The following RYR2 variants were observed in gnomAD, a reference collection of about 807,000 sequenced individuals.
The protein encoded by RYR2 is ryanodine receptor 2.
In RYR2, 227 loss-of-function variants were observed where a neutral mutation model predicts 601.1. The ratio of observed to expected loss-of-function variants is 0.38; its 90% CI spans 0.34 to 0.42. The LOEUF is 0.42. Ranked by LOEUF, RYR2 falls within the 10% of genes least tolerant of loss-of-function variation. The pLI is 1.00. For missense variants in RYR2, 4,646 were observed against 6,156.5 expected (o/e 0.75, Z 8.21); for synonymous variants, 2,223 against 2,175.1 (o/e 1.02, Z -0.61).
At position 237,155,744 on chromosome 1, in the gene RYR2, G is replaced by T. The variant is rs760317592; in HGVS notation, c.48+113175G>T. On this transcript the variant is annotated intron_variant, in intron 1 of 104. Transcript: ENST00000366574. ...TATCTCATTGGGATGAATGGGAATG[G>T]CTAGGATTGTTACTGATTCTTGCCC... is the stretch of plus-strand genomic sequence containing the variant. 4.6e-5 allele frequency among the ~76,000 whole-genome samples: 7 copies of T among 152,100 alleles called. 1 individual carries two copies. The highest frequency in any genetic ancestry group is 2.0e-4 in the Admixed American group (3 of 15,280).
At chr1:237,712,545 TCA>T (rs146589799) in intron 71 of RYR2, among the ~76,000 whole-genome samples, 5 of 149,970 alleles carry the variant, frequency 3.3e-5, no homozygotes, top group African/African-American at 4.9e-5. Context: ...ACACACACAC[TCA>T]CACACACACA....
chr1:237,392,751 G>T (rs565338462), intron 10 of RYR2, among the ~76,000 whole-genome samples: 1 of 152,198 alleles, frequency 6.6e-6, no homozygotes, highest in Non-Finnish European at 1.5e-5. Context: ...TGGATGCATT[G>T]GGGAAGATTA....
At chr1:237,621,334 C>A (rs927971731) in intron 38 of RYR2, among the ~76,000 whole-genome samples, 16 of 152,078 alleles carry the variant, frequency 1.1e-4, no homozygotes, top group African/African-American at 3.9e-4. Flanking sequence ...AATAACCTGA[C>A]CTGCCACTTC....
intron 27 of RYR2, among the ~76,000 whole-genome samples, chr1:237,552,461 A>G (rs1209895142): frequency 6.6e-6 from 1 of 152,120 alleles, no homozygotes; most frequent in African/African-American, 2.4e-5. Flanking sequence ...GTAAATTTTG[A>G]CAGTTGTAGA....
intron 73 of RYR2, among the ~76,000 whole-genome samples, chr1:237,719,280 G>A (rs1689513218): frequency 6.6e-6 from 1 of 152,036 alleles, no homozygotes; most frequent in African/African-American, 2.4e-5. Flanking sequence ...TTTACATGGA[G>A]CGATCAGTAA....
intron 78 of RYR2, among the ~76,000 whole-genome samples, 165 bp downstream of exon 78, chr1:237,732,314 C>G (rs1241732756): frequency 6.6e-6 from 1 of 152,256 alleles, no homozygotes; most frequent in Non-Finnish European, 1.5e-5. Flanking sequence ...GGGACCGACA[C>G]TCATTCAATT....
intron 77 of RYR2, 34 bp from the exon 78 acceptor site, chr1:237,732,012 A>T (rs531138640): frequency 2.2e-6 from 3 of 1,370,670 alleles, no homozygotes; most frequent in South Asian, 2.4e-5. Context: ...ATTTTTTTTT[A>T]ATGTGACATT....
At chr1:237,270,880 A>AAT in intron 2 of RYR2, among the ~76,000 whole-genome samples, 1 of 152,342 alleles carries the variant, frequency 6.6e-6, no homozygotes, top group South Asian at 2.1e-4. Flanking sequence ...CAAGTAAATC[A>AAT]GTGATATAAT....
chr1:237,261,788 C>T (rs1293688678), intron 1 of RYR2, among the ~76,000 whole-genome samples: 1 of 152,134 alleles, frequency 6.6e-6, no homozygotes, highest in African/African-American at 2.4e-5. Context: ...AAAAGTCACC[C>T]CCTCAATGAG....
chr1:237,565,482 C>T (rs983640499), intron 27 of RYR2, among the ~76,000 whole-genome samples: 4 of 151,906 alleles, frequency 2.6e-5, no homozygotes, highest in African/African-American at 4.8e-5. Context: ...TGCCCGGGCG[C>T]GATCCTCCCG....
chr1:237,674,342 A>T, intron 59 of RYR2, 123 bp downstream of exon 59: 1 of 758,296 alleles, frequency 1.3e-6, no homozygotes. Context: ...GTACTGTTTA[A>T]TATGTTTAAA....
intron 1 of RYR2, among the ~76,000 whole-genome samples, chr1:237,181,450 A>G (rs1279174617): frequency 6.6e-6 from 1 of 152,186 alleles, no homozygotes; most frequent in East Asian, 1.9e-4. Flanking sequence ...GGAGCTCAAG[A>G]GAGGCTCTTT....
rs1353218352 is a variant in RYR2, at chr1:237,727,121, G to A, written c.10760G>A (p.Trp3587Ter). ...EHPQRSKKAV[W>*]HKLLSKQRKR... Reference sequence around the variant, plus strand: ...CCTCAGAGATCTAAAAAGGCTGTATGGCATAAACTACTGTCCAAGCAGAGG... The same window carrying A: ...CCTCAGAGATCTAAAAAGGCTGTATAGCATAAACTACTGTCCAAGCAGAGG... Residue 3587 changes from tryptophan to a stop codon, truncating the protein, a stop_gained, in exon 76 of 105, where the codon TGG (tryptophan) becomes TAG (stop). Coordinates refer to ENST00000366574, the MANE Select transcript of RYR2 (RefSeq NM_001035.3). LOFTEE classifies it high-confidence loss of function. 6.2e-7 allele frequency: 1 copy of A among 1,603,888 alleles called. No homozygotes were observed. The highest frequency in any genetic ancestry group is 1.3e-5 in the African/African-American group (1 of 74,824).
chr1:237,295,276 GAA>G (rs34453486), intron 2 of RYR2, among the ~76,000 whole-genome samples: 73 of 148,408 alleles, frequency 4.9e-4, no homozygotes, highest in African/African-American at 1.7e-3. Context: ...TCAGTGTTTG[GAA>G]AAAAAAAAAT....
chr1:237,367,975 T>A (rs973660705), intron 5 of RYR2, among the ~76,000 whole-genome samples: 3 of 152,166 alleles, frequency 2.0e-5, no homozygotes, highest in African/African-American at 4.8e-5. Context: ...TTCAGTCTGA[T>A]CAAGGGGAGG....
At chr1:237,541,791 G>C (rs1046830043) in intron 25 of RYR2, among the ~76,000 whole-genome samples, 1 of 152,136 alleles carries the variant, frequency 6.6e-6, no homozygotes, top group African/African-American at 2.4e-5. Context: ...AAGGTGTTCA[G>C]TGGGGGAGCT....
intron 89 of RYR2, 98 bp downstream of exon 89, chr1:237,781,744 C>G (rs1347074958): frequency 1.8e-6 from 1 of 554,670 alleles, no homozygotes; most frequent in Non-Finnish European, 3.2e-6. Context: ...TAAAATAGCA[C>G]TCAGATATGA....
intron 26 of RYR2, among the ~76,000 whole-genome samples, chr1:237,549,904 A>G (rs1670207424): frequency 6.6e-6 from 1 of 152,146 alleles, no homozygotes; most frequent in African/African-American, 2.4e-5. Flanking sequence ...TTTTGCCAAG[A>G]TAGTAAGATA....
chr1:237,479,313 T>G (rs1661765252), intron 17 of RYR2, among the ~76,000 whole-genome samples: 1 of 152,242 alleles, frequency 6.6e-6, no homozygotes. Flanking sequence ...TTGTGCTTTT[T>G]GTCAATGTAT....
Sources: allele counts gnomAD v4.1 joint callset (sites outside exome capture counted in the v4.1 genomes callset), GRCh38; gene constraint gnomAD v4.1.1; transcripts MANE v1.5; gene names NCBI Gene and HGNC (gene_info 2026-07-23, HGNC 2026-07-21).